Variants in BIRC2 observed in about 807,000 individuals in gnomAD.
The protein encoded by BIRC2 is baculoviral IAP repeat-containing protein 2.
In BIRC2, 18 loss-of-function variants were observed where a neutral mutation model predicts 60.9. That is an observed-to-expected ratio of 0.30 (90% CI 0.20 to 0.44). The LOEUF (loss-of-function observed/expected upper bound fraction) is 0.44, where lower values mean the gene tolerates loss of function less well. Among genes scored for constraint, BIRC2 ranks in the 20% least tolerant of loss-of-function variants. The probability of loss-of-function intolerance (pLI) is 1.00; values close to 1 mark genes in which losing one functional copy is unlikely to be tolerated. For missense variants in BIRC2, 701 were observed against 728.5 expected, an observed-to-expected ratio of 0.96 and a Z score of 0.43; for synonymous variants, 282 against 247.7, an observed-to-expected ratio of 1.14 and a Z score of -1.30.
chr11:102,357,197 T>G (rs1404831177), intron 3 of BIRC2, among the ~76,000 whole-genome samples: 2 of 152,184 alleles, frequency 1.3e-5, no homozygotes, highest in African/African-American at 4.8e-5. Context: ...GGTCTGGCTT[T>G]GGTATCAGAG....
chr11:102,362,751 TTAGA>T (rs1487345590), intron 3 of BIRC2, 141 bp from the exon 4 acceptor site: 1 of 554,132 alleles, frequency 1.8e-6, no homozygotes, highest in African/African-American at 1.9e-5. Context: ...TTTGTTCCTG[TTAGA>T]TATGTATGTG....
At chr11:102,351,228 T>G (rs1951355032) in intron 3 of BIRC2, among the ~76,000 whole-genome samples, 1 of 152,104 alleles carries the variant, frequency 6.6e-6, no homozygotes, top group Admixed American at 6.5e-5. Flanking sequence ...ATAAAATAGA[T>G]TAAAAAGACG....
At chr11:102,372,541 A>G (rs1194234894) in intron 6 of BIRC2, among the ~76,000 whole-genome samples, 1 of 151,586 alleles carries the variant, frequency 6.6e-6, no homozygotes, top group Non-Finnish European at 1.5e-5. Flanking sequence ...ATAGTTTGTT[A>G]TAATTTCTGT....
chr11:102,351,024 T>C, intron 3 of BIRC2, 81 bp downstream of exon 3: 1 of 1,300,138 alleles, frequency 7.7e-7, no homozygotes, highest in Non-Finnish European at 1.1e-6. Context: ...TTTGTTTACC[T>C]TTAAATTATA....
chr11:102,350,072 AT>A lies in BIRC2; in HGVS notation c.220del (p.Tyr74IlefsTer4). On this transcript the variant is annotated frameshift_variant, in exon 2 of 9. Coordinates refer to ENST00000227758, the MANE Select transcript of BIRC2 (RefSeq NM_001166.5). LOFTEE classifies it high-confidence loss of function. ...SERSLARAGFYYTGVNDKVKC... is the reference protein window; with the variant it reads ...SERSLARAGFXYTGVNDKVKC... The stretch of plus-strand genomic sequence containing the variant: ...AGGAGTCTTGCTCGTGCTGGTTTTT[AT>A]TATACTGGTGTGAATGACAAGGTCA... The A allele has an allele frequency of 6.2e-7, 1 of 1,614,186 alleles. No homozygotes were observed.
chr11:102,370,417 T>C (rs1288142331), intron 6 of BIRC2, among the ~76,000 whole-genome samples: 25 of 132,444 alleles, frequency 1.9e-4, no homozygotes, highest in African/African-American at 6.3e-4. Context: ...ATTTATTAAA[T>C]AGGGAATCCT....
At chr11:102,365,847 C>G (rs1038064312) in intron 5 of BIRC2, among the ~76,000 whole-genome samples, 1 of 152,182 alleles carries the variant, frequency 6.6e-6, no homozygotes, top group Admixed American at 6.5e-5. Flanking sequence ...CCTGCCTCGG[C>G]CTCCCATAGT....
At position 102,350,030 on chromosome 11, in the gene BIRC2, G is replaced by A; in HGVS notation, c.176G>A (p.Gly59Glu). The change falls in exon 2 of 9, where the codon GGG (glycine) becomes GAG (glutamate). Residue 59 changes from glycine to glutamate, a missense_variant. Gly to Glu is a moderately conservative substitution (Grantham distance 98, BLOSUM62 -2). This residue lies in a region of BIRC2 where 375 missense variants were observed against 365.9 expected (regional missense o/e 1.02). Transcript: ENST00000227758. ...TCTACATATTCAACTTTCCCCGCCG[G>A]GGTGCCTGTCTCAGAAAGGAGTCTT... ...RMSTYSTFPA[G>E]VPVSERSLAR... The A allele has an allele frequency of 6.2e-7, 1 of 1,614,166 alleles. No homozygotes were observed. Among genetic ancestry groups the A allele is most frequent in the Non-Finnish European group, 8.5e-7 (1 of 1,180,030 alleles).
In BIRC2 at chr11:102,366,835, C is replaced by A. The variant is rs147097374; in HGVS notation, c.1124-1471C>A. ...TATCAGTTGCATGCTTGAAACACTC[C>A]TAGAATATTCTACCAAACTTAGAAT... On this transcript the variant is annotated intron_variant, in intron 5 of 8. Transcript: ENST00000227758. Among the ~76,000 whole-genome samples the A allele has an allele frequency of 2.2e-4, 33 of 152,276 alleles. No individual in the cohort carries two copies. In the East Asian group the frequency reaches 6.4e-3, roughly 29 times the overall value.
chr11:102,351,185 C>A (rs540185059), intron 3 of BIRC2, among the ~76,000 whole-genome samples: 4 of 152,022 alleles, frequency 2.6e-5, no homozygotes, highest in Non-Finnish European at 5.9e-5. Flanking sequence ...TTTCCCATTT[C>A]TTTTAAAGAG....
At chr11:102,374,903 A>G (rs961827863) in intron 6 of BIRC2, among the ~76,000 whole-genome samples, 9 of 152,128 alleles carry the variant, frequency 5.9e-5, no homozygotes, top group African/African-American at 1.7e-4. Flanking sequence ...GAAAAGCGCA[A>G]TATTCGGGTG....
intron 6 of BIRC2, among the ~76,000 whole-genome samples, chr11:102,371,979 T>C (rs1255061870): frequency 6.6e-6 from 1 of 152,214 alleles, no homozygotes; most frequent in East Asian, 1.9e-4. Context: ...TATTCTCTGA[T>C]GGTAGTTTGT....
Position 102,350,178 on chromosome 11 carries a change from T to C in BIRC2, c.324T>C (p.Pro108=), listed in dbSNP as rs1411475459. ...TTCAAAAGCATAAACAGCTATATCC[T>C]AGCTGTAGCTTTATTCAGAATCTGG... The part of the protein sequence containing the change: ...SPIQKHKQLY[P]SCSFIQNLVS... The change falls in exon 2 of 9, where the codon CCT becomes CCC. Residue 108 remains proline, a synonymous_variant. Coordinates refer to ENST00000227758, the MANE Select transcript of BIRC2 (RefSeq NM_001166.5). The C allele has an allele frequency of 6.2e-7, 1 of 1,614,222 alleles. No individual in the cohort carries two copies. Among genetic ancestry groups the C allele is most frequent in the Non-Finnish European group, 8.5e-7 (1 of 1,180,028 alleles).
At chr11:102,359,081 G>A (rs1398340463) in intron 3 of BIRC2, among the ~76,000 whole-genome samples, 1 of 152,060 alleles carries the variant, frequency 6.6e-6, no homozygotes, top group Non-Finnish European at 1.5e-5. Flanking sequence ...TTTCTGTGGT[G>A]GTATGCTTTG....
At chr11:102,365,544 T>G (rs1338861434) in intron 5 of BIRC2, among the ~76,000 whole-genome samples, 1 of 152,206 alleles carries the variant, frequency 6.6e-6, no homozygotes, top group Non-Finnish European at 1.5e-5. Context: ...GACCTGTTAA[T>G]TAGCATTTGA....
At position 102,360,719 on chromosome 11, in the gene BIRC2, T is replaced by G. The variant is rs1168308808; in HGVS notation, c.996-2177T>G. On this transcript the variant is annotated intron_variant, in intron 3 of 8. Coordinates refer to ENST00000227758, the MANE Select transcript of BIRC2 (RefSeq NM_001166.5). ...TTTTTTCTTTCTGTTTCTTGTGGCC[T>G]TGTGTTATCTGTGTATTTGATGGAC... Among the ~76,000 whole-genome samples, 3 of 151,550 alleles carry G rather than the reference T, an allele frequency of 2.0e-5. No individual in the cohort carries two copies. The East Asian group carries it at 5.8e-4, about 29-fold the overall frequency.
At chr11:102,352,984 A>G (rs1333227174) in intron 3 of BIRC2, among the ~76,000 whole-genome samples, 3 of 152,130 alleles carry the variant, frequency 2.0e-5, no homozygotes, top group Non-Finnish European at 4.4e-5. Flanking sequence ...TATTAATATT[A>G]ATAATATATC....
intron 3 of BIRC2, among the ~76,000 whole-genome samples, chr11:102,355,890 C>G (rs140285630): frequency 1.3e-5 from 2 of 152,228 alleles, no homozygotes; most frequent in East Asian, 3.9e-4. Flanking sequence ...CATGGGATTA[C>G]TTTCTTAAGT....
In BIRC2 at chr11:102,362,916, T is replaced by G; in HGVS notation, c.1016T>G (p.Met339Arg). 1 of 1,612,992 alleles carries G rather than the reference T, an allele frequency of 6.2e-7. No individual in the cohort carries two copies. Among genetic ancestry groups the G allele is most frequent in the Non-Finnish European group, 8.5e-7 (1 of 1,179,334 alleles). The change falls in exon 4 of 9, where the codon ATG (methionine) becomes AGG (arginine). Residue 339 changes from methionine (M) to arginine (R), a missense_variant. By Grantham distance (91) the Met-to-Arg change is moderately conservative (BLOSUM62 -1). Coordinates refer to ENST00000227758, the MANE Select transcript of BIRC2 (RefSeq NM_001166.5). ...WFPRCEFLIR[M>R]KGQEFVDEIQ... Reference sequence around the variant, plus strand: ...TTTAGGTGTGAGTTCTTGATACGAATGAAAGGCCAAGAGTTTGTTGATGAG... The same window carrying G: ...TTTAGGTGTGAGTTCTTGATACGAAGGAAAGGCCAAGAGTTTGTTGATGAG...
Sources: gnomAD v4.1 joint callset for allele counts (sites outside exome capture counted in the v4.1 genomes callset) on GRCh38, gnomAD v4.1.1 for gene constraint, gnomAD v4.1.1 regional missense constraint, MANE v1.5 for transcripts, NCBI Gene and HGNC (gene_info 2026-07-23, HGNC 2026-07-21) for gene names.